SEMA3D: variants seen among roughly 807,000 people sequenced by gnomAD.
SEMA3D encodes semaphorin 3D.
In SEMA3D, 84 loss-of-function variants were observed where a neutral mutation model predicts 100.1. The ratio of observed to expected loss-of-function variants is 0.84; its 90% CI spans 0.70 to 1.01. The LOEUF (loss-of-function observed/expected upper bound fraction) is 1.01, where lower values mean the gene tolerates loss of function less well. SEMA3D is among the 50% of genes least tolerant of loss of function. The pLI is 0.00. For missense variants in SEMA3D, 875 were observed against 934.1 expected (o/e 0.94, Z 0.82); for synonymous variants, 312 against 320.7 (o/e 0.97, Z 0.29).
chr7:85,241,952 G>T, the SEMA3D span, among the ~76,000 whole-genome samples: 1 of 152,006 alleles, frequency 6.6e-6, no homozygotes, highest in African/African-American at 2.4e-5. Flanking sequence ...GGGAACCGCT[G>T]TACAGTGTTG....
At chr7:85,033,849 T>TCACACACACACACACACA (rs1472555074) in intron 12 of SEMA3D, among the ~76,000 whole-genome samples, 2 of 86,434 alleles carry the variant, frequency 2.3e-5, no homozygotes, top group African/African-American at 1.1e-4. Context: ...CCAATTTTAA[T>TCACACACACACACACACA]CACACACATA....
intron 12 of SEMA3D, chr7:85,028,153 G>T: frequency 1.6e-6 from 1 of 637,778 alleles, no homozygotes; most frequent in East Asian, 3.0e-5. Flanking sequence ...GAGTATGAGA[G>T]AGACAAAAAG....
At chr7:85,077,143 T>C (rs1336411253) in intron 5 of SEMA3D, among the ~76,000 whole-genome samples, 1 of 150,570 alleles carries the variant, frequency 6.6e-6, no homozygotes, top group African/African-American at 2.4e-5. Context: ...TTTTAATAGA[T>C]TGTTAATACT....
At chr7:85,140,225 T>G (rs1368925788) in intron 2 of SEMA3D, 1 of 680,832 alleles carries the variant, frequency 1.5e-6, no homozygotes, top group Non-Finnish European at 1.8e-6. Flanking sequence ...TTTATTTTAC[T>G]CAATATAAAA....
At chr7:85,188,245 T>G (rs1431566655), upstream of SEMA3D, among the ~76,000 whole-genome samples, 5 of 152,188 alleles carry the variant, frequency 3.3e-5, no homozygotes, top group Admixed American at 3.3e-4. Context: ...AGAGTCAGGC[T>G]AAGGAAAGGC....
chr7:85,213,891 C>T, the SEMA3D span, among the ~76,000 whole-genome samples: 844 of 152,238 alleles, frequency 5.5e-3, 24 homozygotes, highest in Admixed American at 0.043. Context: ...ATGTGGCTCT[C>T]TTTGGCTGCC....
At chr7:85,170,120 T>C (rs1317601736) in intron 1 of SEMA3D, among the ~76,000 whole-genome samples, 1 of 151,794 alleles carries the variant, frequency 6.6e-6, no homozygotes, top group East Asian at 1.9e-4. Context: ...GCATGAGCAA[T>C]GCTGGGCCCT....
chr7:85,068,566 A>G (rs931780351), intron 6 of SEMA3D, among the ~76,000 whole-genome samples: 1 of 152,162 alleles, frequency 6.6e-6, no homozygotes, highest in Non-Finnish European at 1.5e-5. Flanking sequence ...CTCCACAATT[A>G]TCAATATCGA....
the SEMA3D span, among the ~76,000 whole-genome samples, chr7:85,233,864 G>T: frequency 6.6e-6 from 1 of 152,160 alleles, no homozygotes; most frequent in African/African-American, 2.4e-5. Flanking sequence ...GATTAAAAGA[G>T]ACCAAAATGA....
upstream of SEMA3D, among the ~76,000 whole-genome samples, chr7:85,190,572 G>A (rs946900394): frequency 2.0e-5 from 3 of 151,544 alleles, no homozygotes; most frequent in Non-Finnish European, 2.9e-5. Flanking sequence ...TCATTTGATC[G>A]TAGCAATACA....
chr7:85,096,421 A>AT (rs967202832), intron 4 of SEMA3D, among the ~76,000 whole-genome samples: 1 of 151,888 alleles, frequency 6.6e-6, no homozygotes, highest in Non-Finnish European at 1.5e-5. Context: ...AGATACTTTA[A>AT]TTTTTTTAAA....
At chr7:85,000,808 T>C (rs746236522) in intron 18 of SEMA3D, among the ~76,000 whole-genome samples, 37 of 152,192 alleles carry the variant, frequency 2.4e-4, no homozygotes, top group Admixed American at 5.2e-4. Flanking sequence ...TCAGTAAAAC[T>C]AGAGGCATGT....
intron 1 of SEMA3D, among the ~76,000 whole-genome samples, chr7:85,168,260 A>T (rs1024782847): frequency 6.6e-6 from 1 of 151,878 alleles, no homozygotes; most frequent in African/African-American, 2.4e-5. Flanking sequence ...GTCAGACAGT[A>T]GTCCCAAGAA....
chr7:85,077,852 A>G (rs1026579544), intron 5 of SEMA3D, among the ~76,000 whole-genome samples: 1 of 152,168 alleles, frequency 6.6e-6, no homozygotes, highest in African/African-American at 2.4e-5. Context: ...AAGTCTACTC[A>G]ATAATCAAAG....
chr7:85,036,128 A>G (rs1044295938), intron 12 of SEMA3D, among the ~76,000 whole-genome samples: 2 of 152,088 alleles, frequency 1.3e-5, no homozygotes, highest in African/African-American at 4.8e-5. Flanking sequence ...CAAAATGAAA[A>G]AAAAATTTTT....
At chr7:85,049,295 C>T (rs919276680) in intron 9 of SEMA3D, among the ~76,000 whole-genome samples, 10 of 151,060 alleles carry the variant, frequency 6.6e-5, no homozygotes, top group Non-Finnish European at 1.0e-4. Context: ...TATTTAGAGA[C>T]GACTATTTGT....
At chr7:85,174,594 T>G (rs762497329) in intron 1 of SEMA3D, among the ~76,000 whole-genome samples, 55 of 152,206 alleles carry the variant, frequency 3.6e-4, no homozygotes, top group Middle Eastern at 3.4e-3. Context: ...GTAACAACCA[T>G]TTGGTTTGTA....
chr7:85,204,430 T>A, the SEMA3D span, among the ~76,000 whole-genome samples: 2 of 151,182 alleles, frequency 1.3e-5, no homozygotes, highest in East Asian at 2.0e-4. Flanking sequence ...ACTTAAACAA[T>A]AATATTTCGT....
At chr7:85,030,826 C>T (rs1172251704) in intron 12 of SEMA3D, among the ~76,000 whole-genome samples, 1 of 151,968 alleles carries the variant, frequency 6.6e-6, no homozygotes, top group Non-Finnish European at 1.5e-5. Flanking sequence ...TTATTTTGGG[C>T]TGGATTCAAT....
Sources: allele counts gnomAD v4.1 joint callset (sites outside exome capture counted in the v4.1 genomes callset), GRCh38; gene constraint gnomAD v4.1.1; transcripts MANE v1.5; gene names NCBI Gene and HGNC (gene_info 2026-07-23, HGNC 2026-07-21).